ZSWIM5: variants seen among roughly 807,000 people sequenced by gnomAD.
ZSWIM5 encodes the protein zinc finger SWIM-type containing 5, also known as zinc finger SWIM domain-containing protein 5.
A neutral mutation model predicts 119.6 loss-of-function variants in ZSWIM5; 55 were observed. The observed-to-expected ratio is 0.46, with a 90% confidence interval of 0.37 to 0.58. The LOEUF (loss-of-function observed/expected upper bound fraction) is 0.58, where lower values mean the gene tolerates loss of function less well. Ranked by LOEUF, ZSWIM5 falls within the 20% of genes least tolerant of loss-of-function variation. The probability of loss-of-function intolerance (pLI) is 0.00; values close to 1 mark genes in which losing one functional copy is unlikely to be tolerated. For synonymous variants in ZSWIM5, 537 were observed against 606.9 expected, an observed-to-expected ratio of 0.88 and a Z score of 1.69; for missense variants, 1,193 against 1,512.8, an observed-to-expected ratio of 0.79 and a Z score of 3.51.
intron 2 of ZSWIM5, among the ~76,000 whole-genome samples, chr1:45,060,536 A>G (rs370761711): frequency 2.0e-5 from 3 of 152,352 alleles, no homozygotes; most frequent in East Asian, 3.9e-4. Context: ...GAAGAGATAT[A>G]CAATATGCAA....
chr1:45,027,397 T>A (rs1487647717), intron 11 of ZSWIM5, among the ~76,000 whole-genome samples: 1 of 151,916 alleles, frequency 6.6e-6, no homozygotes, highest in Non-Finnish European at 1.5e-5. Flanking sequence ...TTTTATTTTT[T>A]AATTAATTAA....
chr1:45,101,660 G>C (rs1425123185), intron 1 of ZSWIM5, among the ~76,000 whole-genome samples: 3 of 152,174 alleles, frequency 2.0e-5, no homozygotes, highest in African/African-American at 7.2e-5. Flanking sequence ...ATCAGTGATA[G>C]ACTGGATTAA....
At chr1:45,030,882 T>C (rs1644949005) in intron 11 of ZSWIM5, among the ~76,000 whole-genome samples, 1 of 149,966 alleles carries the variant, frequency 6.7e-6, no homozygotes, top group African/African-American at 2.5e-5. Flanking sequence ...TTGCAACCTC[T>C]GTCTCCCTGA....
intron 1 of ZSWIM5, among the ~76,000 whole-genome samples, chr1:45,157,319 C>T (rs61788445): frequency 6.6e-5 from 10 of 152,114 alleles, no homozygotes; most frequent in Admixed American, 2.0e-4. Flanking sequence ...GGACTACAGG[C>T]GCATGCCACC....
intron 1 of ZSWIM5, among the ~76,000 whole-genome samples, chr1:45,175,966 G>A (rs947588075): frequency 6.6e-6 from 1 of 151,576 alleles, no homozygotes; most frequent in Non-Finnish European, 1.5e-5. Context: ...CATGTTCAAG[G>A]CTCATTTGAT....
At chr1:45,202,889 A>T (rs970643042) in intron 1 of ZSWIM5, among the ~76,000 whole-genome samples, 6 of 152,054 alleles carry the variant, frequency 3.9e-5, no homozygotes, top group African/African-American at 1.4e-4. Context: ...TTCTTATGCC[A>T]TCTGCAGACT....
rs1487462292 is a variant in ZSWIM5, at chr1:45,072,198, A to G, written c.953-11951T>C. On this transcript the variant is annotated intron_variant, in intron 2 of 13. Transcript: ENST00000359600. The surrounding 1 kb of genome is among the most constrained non-coding windows in gnomAD (Gnocchi z 4.1). ...CAAATGATATTGAGTACCTTTTCATATACTCATTTGCCACTTGTATGTCGT... is the reference window on the plus strand; with the variant it reads ...CAAATGATATTGAGTACCTTTTCATGTACTCATTTGCCACTTGTATGTCGT... 6.6e-6 allele frequency among the ~76,000 whole-genome samples: 1 copy of G among 151,924 alleles called. No individual in the cohort carries two copies. The highest frequency in any genetic ancestry group is 1.5e-5 in the Non-Finnish European group (1 of 68,032).
chr1:45,132,616 CTTT>C (rs529045614), intron 1 of ZSWIM5, among the ~76,000 whole-genome samples: 1 of 151,014 alleles, frequency 6.6e-6, no homozygotes, highest in Non-Finnish European at 1.5e-5. Flanking sequence ...AATTTTTTTT[CTTT>C]TTTTTTATTA....
intron 2 of ZSWIM5, among the ~76,000 whole-genome samples, chr1:45,078,482 C>G (rs904754500): frequency 1.6e-4 from 24 of 152,230 alleles, no homozygotes; most frequent in Admixed American, 6.5e-5. Context: ...TGGGCAACCA[C>G]AGGCAGAGAC....
In ZSWIM5 at chr1:45,068,545, A is replaced by C. The variant is rs541320989; in HGVS notation, c.953-8298T>G. ...CAATTTATTGGTCTTTTCCTACTCA[A>C]GAAATTTTTCTCTACCTCAAGGACA... On this transcript the variant is annotated intron_variant, in intron 2 of 13. Coordinates refer to ENST00000359600, the MANE Select transcript of ZSWIM5 (RefSeq NM_020883.2). Among the ~76,000 whole-genome samples, 18 of 152,070 alleles carry C rather than the reference A, an allele frequency of 1.2e-4. No individual in the cohort carries two copies. In the South Asian group the frequency reaches 1.7e-3, roughly 14 times the overall value.
chr1:45,162,984 C>T (rs566108356), intron 1 of ZSWIM5, among the ~76,000 whole-genome samples: 1 of 152,208 alleles, frequency 6.6e-6, no homozygotes, highest in Non-Finnish European at 1.5e-5. Flanking sequence ...GTTCTCCCAG[C>T]ATGGAGTTTG....
At chr1:45,055,281 T>C (rs1038861103) in intron 4 of ZSWIM5, among the ~76,000 whole-genome samples, 27 of 152,112 alleles carry the variant, frequency 1.8e-4, no homozygotes, top group Non-Finnish European at 2.5e-4. Flanking sequence ...TGAGCCACTG[T>C]GCCCGGCCAG....
At chr1:45,044,762 TATATATATATATAAATATATATATATAA>T (rs1645039599) in intron 5 of ZSWIM5, among the ~76,000 whole-genome samples, 1 of 954 alleles carries the variant, frequency 1.0e-3, no homozygotes, top group Non-Finnish European at 2.5e-3. Context: ...TATATATATA[TATATATATATATAAATATATATATATAA>T]ATATATATAT....
intron 1 of ZSWIM5, among the ~76,000 whole-genome samples, chr1:45,141,595 C>T (rs947261085): frequency 6.6e-6 from 1 of 152,186 alleles, no homozygotes; most frequent in Non-Finnish European, 1.5e-5. Context: ...CAACTATCAA[C>T]ATAATCCGTA....
chr1:45,080,541 T>C (rs1645283644), intron 2 of ZSWIM5, among the ~76,000 whole-genome samples: 1 of 152,198 alleles, frequency 6.6e-6, no homozygotes, highest in Non-Finnish European at 1.5e-5. Context: ...AGACTGTTTT[T>C]CCTACTTCCT....
Position 45,040,558 on chromosome 1 carries a change from T to A in ZSWIM5, c.1610-20A>T. 1 of 1,561,856 alleles carries A rather than the reference T, an allele frequency of 6.4e-7. No individual in the cohort carries two copies. The highest frequency in any genetic ancestry group is 8.6e-7 in the Non-Finnish European group (1 of 1,158,830). On this transcript the variant is annotated intron_variant, in intron 6 of 13. Transcript: ENST00000359600. Reference sequence around the variant, plus strand: ...CATGCTCTACCAAGTAAGAAGAAGATATTTTGGTCTAGTTAAAATTTCAAG... The same window carrying A: ...CATGCTCTACCAAGTAAGAAGAAGAAATTTTGGTCTAGTTAAAATTTCAAG...
chr1:45,149,071 C>A (rs112186649), intron 1 of ZSWIM5, among the ~76,000 whole-genome samples: 2,192 of 152,120 alleles, frequency 0.014, 67 homozygotes, highest in African/African-American at 0.051. Context: ...GAGTTTGAGA[C>A]CAGCCTGGGC....
intron 1 of ZSWIM5, among the ~76,000 whole-genome samples, chr1:45,201,628 T>C (rs1646158927): frequency 6.6e-6 from 1 of 152,154 alleles, no homozygotes; most frequent in Non-Finnish European, 1.5e-5. Flanking sequence ...ATTCCTAAAA[T>C]AAAGATAACC....
chr1:45,189,358 AAC>A (rs2149052407), intron 1 of ZSWIM5, among the ~76,000 whole-genome samples: 4 of 152,276 alleles, frequency 2.6e-5, no homozygotes, highest in African/African-American at 9.6e-5. Context: ...TGCAAGGGAC[AAC>A]ACACAAAGTA....
Sources: gnomAD v4.1 joint callset for allele counts (sites outside exome capture counted in the v4.1 genomes callset) on GRCh38, gnomAD v4.1.1 for gene constraint, Gnocchi (gnomAD v3.1) non-coding constraint, MANE v1.5 for transcripts, NCBI Gene and HGNC (gene_info 2026-07-23, HGNC 2026-07-21) for gene names.